The following PRDM12 variants were observed in gnomAD, a reference collection of about 807,000 sequenced individuals.
PRDM12 encodes the protein PR domain zinc finger protein 12.
A neutral mutation model predicts 29.6 loss-of-function variants in PRDM12; 17 were observed. The observed-to-expected ratio is 0.57, with a 90% CI of 0.39 to 0.86. The LOEUF (loss-of-function observed/expected upper bound fraction) is 0.86. Among genes scored for constraint, PRDM12 ranks in the 40% least tolerant of loss-of-function variants. The pLI is 0.00. For missense variants in PRDM12, 422 were observed against 510.8 expected (o/e 0.83, Z 1.68); for synonymous variants, 231 against 225.8 (o/e 1.02, Z -0.21).
Position 130,681,787 on chromosome 9 carries a change from C to T in PRDM12, c.*118C>T, listed in dbSNP as rs1267344097. Reference sequence around the variant, plus strand: ...CCCGGCGCCGCCGCGGAGCCCCGCGCGCTGGGGTTGCGCCCCGGAGGCGGA... The same window carrying T: ...CCCGGCGCCGCCGCGGAGCCCCGCGTGCTGGGGTTGCGCCCCGGAGGCGGA... On this transcript the variant is annotated 3_prime_UTR_variant, in exon 5 of 5. Coordinates refer to ENST00000253008, the MANE Select transcript of PRDM12 (RefSeq NM_021619.3). The surrounding 1 kb of genome is among the most constrained non-coding windows in gnomAD (Gnocchi z 8.1). 1.1e-6 allele frequency: 1 copy of T among 907,002 alleles called. No individual in the cohort carries two copies. The highest frequency in any genetic ancestry group is 1.3e-6 in the Non-Finnish European group (1 of 758,696). The allele number at this position is 907,002 out of a possible 1,614,324, so 56.2% of individuals were successfully genotyped here. A position where few individuals can be genotyped will look rare whatever the true frequency, so the allele number is the denominator to read the frequency against.
rs993819150 is a variant in PRDM12 at position 130,668,619 on chromosome 9, T to C, written c.570+306T>C. Among the ~76,000 whole-genome samples the C allele has an allele frequency of 2.6e-5, 4 of 152,176 alleles. No homozygotes were observed. Among genetic ancestry groups the C allele is most frequent in the Non-Finnish European group, 2.9e-5 (2 of 68,028 alleles). ...AGGTCCCCAGATGTTGGCTGACAGT[T>C]TCCTGAGGTTCAGGGGTCACAGAGA... is the stretch of plus-strand genomic sequence containing the variant. On this transcript the variant is annotated intron_variant, in intron 3 of 4. Coordinates refer to ENST00000253008, the MANE Select transcript of PRDM12 (RefSeq NM_021619.3). The surrounding 1 kb of genome is among the most constrained non-coding windows in gnomAD (Gnocchi z 4.0).
Position 130,678,606 on chromosome 9 carries a change from C to T in PRDM12, c.648C>T (p.Pro216=), listed in dbSNP as rs7021384. The change falls in exon 4 of 5, where the codon CCC becomes CCT. Residue 216 remains proline (P), a synonymous_variant. Coordinates refer to ENST00000253008, the MANE Select transcript of PRDM12 (RefSeq NM_021619.3). ...CCTTCCTGGGGATCCCAGGTGTGCCCGGGCTAGAGGAGGACCAGAAAAAGA... is the reference window on the plus strand; with the variant it reads ...CCTTCCTGGGGATCCCAGGTGTGCCTGGGCTAGAGGAGGACCAGAAAAAGA... The part of the protein sequence containing the change: ...HNTFLGIPGV[P]GLEEDQKKNK... 0.33 allele frequency: 526,423 copies of T among 1,611,544 alleles called. 87,660 individuals are homozygous for T. The highest frequency in any genetic ancestry group is 0.47 in the East Asian group (20,871 of 44,656).
intron 1 of PRDM12, among the ~76,000 whole-genome samples, chr9:130,665,108 G>A (rs1469785541): frequency 6.6e-6 from 1 of 151,926 alleles, no homozygotes; most frequent in African/African-American, 2.4e-5. Flanking sequence ...CGACCCCGTC[G>A]CTCGGCCCCG....
At chr9:130,673,085 G>A (rs1451639599) in intron 3 of PRDM12, among the ~76,000 whole-genome samples, 1 of 152,162 alleles carries the variant, frequency 6.6e-6, no homozygotes, top group Non-Finnish European at 1.5e-5. Flanking sequence ...TTTGTGTCCT[G>A]AGCCTATCCC....
At chr9:130,674,772 G>A (rs76530568) in intron 3 of PRDM12, among the ~76,000 whole-genome samples, 4,090 of 152,130 alleles carry the variant, frequency 0.027, 197 homozygotes, top group African/African-American at 0.094. Flanking sequence ...TGTCTGCATC[G>A]CTGTTTTAAT....
At chr9:130,672,579 A>G (rs1830800366) in intron 3 of PRDM12, among the ~76,000 whole-genome samples, 1 of 152,182 alleles carries the variant, frequency 6.6e-6, no homozygotes. Flanking sequence ...CTGAAATGTT[A>G]CGGAGATTAC....
rs1830910064 is a variant in PRDM12, at chr9:130,682,014, G to A, written c.*345G>A. 6.6e-6 allele frequency: 1 copy of A among 152,520 alleles called. No individual in the cohort carries two copies. The highest frequency in any genetic ancestry group is 6.5e-5 in the Admixed American group (1 of 15,286). 9.4% of individuals were successfully genotyped at this position (152,520 alleles called of 1,614,324 possible). On this transcript the variant is annotated 3_prime_UTR_variant, in exon 5 of 5. Transcript: ENST00000253008. The surrounding 1 kb of genome is among the most constrained non-coding windows in gnomAD (Gnocchi z 4.2). ...TCCCCCTCGTGGGTGGCAGGAGAGC[G>A]GACTTAGAGCCCCCGAGGGCCCCTC...
chr9:130,667,213 G>A lies in PRDM12; in HGVS notation c.414+415G>A, dbSNP rs527989186. Among the ~76,000 whole-genome samples the A allele has an allele frequency of 3.5e-4, 54 of 152,338 alleles. No individual in the cohort carries two copies. In the South Asian group the frequency reaches 0.011, roughly 30 times the overall value. ...CCTCAAGGCCAGTCCTGGGCTGGGG[G>A]TGAGGTGGGGCTGGAAAGGAGAATG... is the stretch of plus-strand genomic sequence containing the variant. On this transcript the variant is annotated intron_variant, in intron 2 of 4. Transcript: ENST00000253008.
intron 3 of PRDM12, among the ~76,000 whole-genome samples, chr9:130,674,966 G>A (rs773058916): frequency 7.9e-5 from 12 of 152,186 alleles, no homozygotes; most frequent in East Asian, 3.9e-4. Flanking sequence ...TGCAACCTCC[G>A]CCTCCCAAGT....
rs138789124 is a variant in PRDM12 at position 130,668,313 on chromosome 9, GGT to G, written c.570+16_570+17del. On this transcript the variant is annotated splice_donor_variant, in intron 3 of 4. Coordinates refer to ENST00000253008, the MANE Select transcript of PRDM12 (RefSeq NM_021619.3). LOFTEE classifies it high-confidence loss of function. The surrounding 1 kb of genome is among the most constrained non-coding windows in gnomAD (Gnocchi z 4.0). Reference sequence around the variant, plus strand: ...CCAGCATCTTCTACAAGGCCATTGAGGTGTGTGTGTGTGTGTGCACTGTTGTG... The same window carrying G: ...CCAGCATCTTCTACAAGGCCATTGAGGTGTGTGTGTGTGTGCACTGTTGTG... 4.2e-4 allele frequency: 648 copies of G among 1,542,610 alleles called. No homozygotes were observed. The highest frequency in any genetic ancestry group is 8.7e-4 in the Middle Eastern group (5 of 5,762).
At position 130,676,979 on chromosome 9, in the gene PRDM12, T is replaced by C. The variant is rs529848729; in HGVS notation, c.571-1550T>C. 1.5e-3 allele frequency among the ~76,000 whole-genome samples: 233 copies of C among 151,688 alleles called. 3 individuals are homozygous for C. Among genetic ancestry groups the C allele is most frequent in the African/African-American group, 5.5e-3 (227 of 41,328 alleles). On this transcript the variant is annotated intron_variant, in intron 3 of 4. Transcript: ENST00000253008. The stretch of plus-strand genomic sequence containing the variant: ...ACTGGAGTGGTCACCCAGGCTGGAG[T>C]GTAGTGGTGCAATCTCGGCTTACTG...
At position 130,682,029 on chromosome 9, in the gene PRDM12, G is replaced by C. The variant is rs1245894203; in HGVS notation, c.*360G>C. ...GCAGGAGAGCGGACTTAGAGCCCCC[G>C]AGGGCCCCTCAGCAGAGGAAGGGGA... On this transcript the variant is annotated 3_prime_UTR_variant, in exon 5 of 5. Coordinates refer to ENST00000253008, the MANE Select transcript of PRDM12 (RefSeq NM_021619.3). This position sits in a 1 kb window ranked among gnomAD's most constrained non-coding sequence, Gnocchi z 4.2. 4 of 152,234 alleles carry C rather than the reference G, an allele frequency of 2.6e-5. No homozygotes were observed. The highest frequency in any genetic ancestry group is 5.9e-5 in the Non-Finnish European group (4 of 68,104). 9.4% of individuals were successfully genotyped at this position (152,234 alleles called of 1,614,324 possible). A position where few individuals can be genotyped will look rare whatever the true frequency, so the allele number is the denominator to read the frequency against.
In PRDM12 at chr9:130,664,862, A is replaced by G; in HGVS notation, c.209A>G (p.Gln70Arg). 2 of 1,540,786 alleles carry G rather than the reference A, an allele frequency of 1.3e-6. No homozygotes were observed. Among genetic ancestry groups the G allele is most frequent in the Non-Finnish European group, 1.7e-6 (2 of 1,142,926 alleles). The change falls in exon 1 of 5, where the codon CAG becomes CGG. Residue 70 changes from glutamine (Q) to arginine (R), a missense_variant. Gln to Arg is a conservative substitution (Grantham distance 43, BLOSUM62 1). Coordinates refer to ENST00000253008, the MANE Select transcript of PRDM12 (RefSeq NM_021619.3). The surrounding 1 kb of genome is among the most constrained non-coding windows in gnomAD (Gnocchi z 6.4). ...KTAFTAEVLAQSFSGEVQKLS... is the reference protein window; with the variant it reads ...KTAFTAEVLARSFSGEVQKLS... ...GCCTTCACCGCCGAGGTGCTGGCGC[A>G]GTCCTTCTCCGGCGGTGAGTCCAGC...
intron 4 of PRDM12, among the ~76,000 whole-genome samples, chr9:130,679,224 C>G (rs536573886): frequency 2.6e-5 from 4 of 152,062 alleles, no homozygotes; most frequent in African/African-American, 9.7e-5. Flanking sequence ...ACCATTTGCT[C>G]GACAACTATT....
rs1830737214 is a variant in PRDM12, at chr9:130,666,763, G to A, written c.379G>A (p.Val127Met). The A allele has an allele frequency of 6.2e-7, 1 of 1,611,710 alleles. No homozygotes were observed. Among genetic ancestry groups the A allele is most frequent in the Non-Finnish European group, 8.5e-7 (1 of 1,179,274 alleles). The change falls in exon 2 of 5, where the codon GTG becomes ATG. Residue 127 changes from valine to methionine, a missense_variant. Transcript: ENST00000253008. ...CGGCCGCGTGATCGCCCCGGAGCAC[G>A]TGGACATCTGCAAGAACAACAACCT... is the stretch of plus-strand genomic sequence containing the variant. ...FTGRVIAPEHVDICKNNNLMW... is the reference protein window; with the variant it reads ...FTGRVIAPEHMDICKNNNLMW...
chr9:130,669,708 C>T (rs7866426), intron 3 of PRDM12, among the ~76,000 whole-genome samples: 80,339 of 147,850 alleles, frequency 0.54, 22,293 homozygotes, highest in East Asian at 0.93. Flanking sequence ...CCCAGCTACT[C>T]GGGAGGCTGA....
chr9:130,678,682 A>T, intron 4 of PRDM12, 42 bp downstream of exon 4: 1 of 1,478,560 alleles, frequency 6.8e-7, no homozygotes. Context: ...AGACCCATGG[A>T]GAGGGGAGCC....
intron 3 of PRDM12, among the ~76,000 whole-genome samples, chr9:130,677,550 G>A (rs905444059): frequency 9.8e-5 from 15 of 152,372 alleles, no homozygotes; most frequent in African/African-American, 3.6e-4. Flanking sequence ...GGCCCCCAGG[G>A]GAAGGTGCCA....
rs139133123 is a variant in PRDM12, at chr9:130,667,575, C to T, written c.415-583C>T. On this transcript the variant is annotated intron_variant, in intron 2 of 4. Coordinates refer to ENST00000253008, the MANE Select transcript of PRDM12 (RefSeq NM_021619.3). ...GGAGAAGCCCAACTTGATAGAACTG[C>T]GGGATGGCCCAGAGGCCTCTCTTGA... is the stretch of plus-strand genomic sequence containing the variant. 4.8e-3 allele frequency among the ~76,000 whole-genome samples: 736 copies of T among 152,094 alleles called. 6 individuals are homozygous for T. Among genetic ancestry groups the T allele is most frequent in the African/African-American group, 0.017 (712 of 41,476 alleles).
Sources: gnomAD v4.1 joint callset for allele counts (sites outside exome capture counted in the v4.1 genomes callset) on GRCh38, gnomAD v4.1.1 for gene constraint, Gnocchi (gnomAD v3.1) non-coding constraint, MANE v1.5 for transcripts, NCBI Gene and HGNC (gene_info 2026-07-23, HGNC 2026-07-21) for gene names.